The following KCNQ5 variants were observed in gnomAD, a reference collection of about 807,000 sequenced individuals.
KCNQ5 encodes potassium voltage-gated channel subfamily Q member 5, also known as potassium voltage-gated channel subfamily KQT member 5.
KCNQ5 carries 30 observed loss-of-function variants against 98.2 expected under a neutral mutation model. The ratio of observed to expected loss-of-function variants is 0.31; its 90% CI spans 0.23 to 0.41. KCNQ5 has a LOEUF of 0.41. KCNQ5 is among the 10% of genes least tolerant of loss of function. The pLI is 1.00. For synonymous variants in KCNQ5, 458 were observed against 449.4 expected (o/e 1.02, Z -0.24); for missense variants, 835 against 1,182.5 (o/e 0.71, Z 4.31).
chr6:73,189,926 G>A (rs1765522166), intron 11 of KCNQ5, among the ~76,000 whole-genome samples: 1 of 151,886 alleles, frequency 6.6e-6, no homozygotes, highest in African/African-American at 2.4e-5. Flanking sequence ...CAGCACTTAG[G>A]GAGGCTGAGG....
At chr6:72,627,385 C>G (rs191829826) in intron 1 of KCNQ5, among the ~76,000 whole-genome samples, 1 of 152,130 alleles carries the variant, frequency 6.6e-6, no homozygotes, top group Non-Finnish European at 1.5e-5. Context: ...CTGGGAAAAG[C>G]TTTACAGCAA....
At chr6:72,976,925 C>G (rs1321808160) in intron 1 of KCNQ5, among the ~76,000 whole-genome samples, 1 of 152,190 alleles carries the variant, frequency 6.6e-6, no homozygotes, top group African/African-American at 2.4e-5. Context: ...TTTGCTTAGA[C>G]CAAGCCAGAT....
At chr6:72,978,229 G>A (rs1768250377) in intron 1 of KCNQ5, among the ~76,000 whole-genome samples, 1 of 151,144 alleles carries the variant, frequency 6.6e-6, no homozygotes, top group Admixed American at 6.6e-5. Context: ...CATTATTCCT[G>A]AACAATCTAC....
intron 1 of KCNQ5, among the ~76,000 whole-genome samples, chr6:72,727,801 A>C (rs1243969403): frequency 6.6e-6 from 1 of 152,034 alleles, no homozygotes; most frequent in African/African-American, 2.4e-5. Context: ...CCTCAGTTGC[A>C]GGTTGGGTCT....
intron 1 of KCNQ5, among the ~76,000 whole-genome samples, chr6:72,800,591 A>G (rs1174549611): frequency 1.3e-5 from 2 of 151,994 alleles, no homozygotes; most frequent in African/African-American, 2.4e-5. Flanking sequence ...TGGATTCATT[A>G]ATTTTTTGAA....
chr6:73,189,577 T>C (rs760511150), intron 11 of KCNQ5, among the ~76,000 whole-genome samples: 1 of 152,206 alleles, frequency 6.6e-6, no homozygotes, highest in Non-Finnish European at 1.5e-5. Context: ...CAGCCTGGAA[T>C]CTACAAGTGT....
At chr6:72,658,768 C>T (rs1417898144) in intron 1 of KCNQ5, among the ~76,000 whole-genome samples, 3 of 150,476 alleles carry the variant, frequency 2.0e-5, no homozygotes, top group East Asian at 2.0e-4. Context: ...TTCGTAGAGA[C>T]GGGGTTTCAC....
chr6:72,918,006 C>T (rs559739209), intron 1 of KCNQ5, among the ~76,000 whole-genome samples: 19 of 152,246 alleles, frequency 1.2e-4, no homozygotes, highest in African/African-American at 4.6e-4. Context: ...AATAGCACCC[C>T]GCACCCCTTA....
At chr6:72,766,417 T>G (rs937446013) in intron 1 of KCNQ5, among the ~76,000 whole-genome samples, 3 of 151,914 alleles carry the variant, frequency 2.0e-5, no homozygotes, top group African/African-American at 4.8e-5. Context: ...CTTGATCTGA[T>G]CTGTATTTTA....
intron 9 of KCNQ5, among the ~76,000 whole-genome samples, chr6:73,131,802 A>G (rs1241725796): frequency 5.3e-5 from 8 of 152,138 alleles, no homozygotes; most frequent in Non-Finnish European, 7.4e-5. Flanking sequence ...AAACTCTTCC[A>G]CTGTTGGGAT....
intron 10 of KCNQ5, among the ~76,000 whole-genome samples, chr6:73,138,898 G>C (rs1776591101): frequency 6.6e-6 from 1 of 152,198 alleles, no homozygotes; most frequent in Non-Finnish European, 1.5e-5. Context: ...CTCTCAGCCA[G>C]TGTACCAATT....
At chr6:73,176,736 A>G (rs948017440) in intron 11 of KCNQ5, among the ~76,000 whole-genome samples, 1 of 152,168 alleles carries the variant, frequency 6.6e-6, no homozygotes, top group African/African-American at 2.4e-5. Context: ...AGGATGGCAT[A>G]TCTGGAGGAT....
chr6:73,106,319 G>T (rs1480389871), intron 6 of KCNQ5, among the ~76,000 whole-genome samples: 1 of 152,132 alleles, frequency 6.6e-6, no homozygotes, highest in Non-Finnish European at 1.5e-5. Flanking sequence ...AGACTGAAAA[G>T]GCCATGCATA....
chr6:72,984,025 A>C (rs1300453301), intron 1 of KCNQ5, among the ~76,000 whole-genome samples: 1 of 152,214 alleles, frequency 6.6e-6, no homozygotes, highest in Non-Finnish European at 1.5e-5. Flanking sequence ...TGGAGGCTGC[A>C]GAACAGCAAA....
intron 1 of KCNQ5, among the ~76,000 whole-genome samples, chr6:72,679,047 A>C (rs1484334566): frequency 6.6e-6 from 1 of 152,224 alleles, no homozygotes; most frequent in Non-Finnish European, 1.5e-5. Context: ...TGTTTTGCTA[A>C]TGCAGTGTCA....
chr6:73,176,193 A>G (rs146392655), intron 11 of KCNQ5, among the ~76,000 whole-genome samples: 34 of 152,350 alleles, frequency 2.2e-4, no homozygotes, highest in African/African-American at 7.9e-4. Flanking sequence ...GTAATCCCCA[A>G]TGTCAGAGGA....
At chr6:73,111,643 C>T (rs565281608) in intron 7 of KCNQ5, among the ~76,000 whole-genome samples, 31 of 152,274 alleles carry the variant, frequency 2.0e-4, no homozygotes, top group Non-Finnish European at 4.0e-4. Flanking sequence ...ACTAAGTAAC[C>T]ATGTCAGCAA....
At chr6:73,174,758 A>G (rs1451775967) in intron 11 of KCNQ5, among the ~76,000 whole-genome samples, 1 of 152,166 alleles carries the variant, frequency 6.6e-6, no homozygotes, top group East Asian at 1.9e-4. Flanking sequence ...CAAACTGGGG[A>G]TGGTAATGGT....
chr6:73,167,272 A>C (rs1777838738), intron 10 of KCNQ5, among the ~76,000 whole-genome samples: 1 of 152,228 alleles, frequency 6.6e-6, no homozygotes, highest in Admixed American at 6.5e-5. Flanking sequence ...TGGAGAAAAC[A>C]TGTATCTGAC....
Sources: gnomAD v4.1 joint callset for allele counts (sites outside exome capture counted in the v4.1 genomes callset) on GRCh38, gnomAD v4.1.1 for gene constraint, MANE v1.5 for transcripts, NCBI Gene and HGNC (gene_info 2026-07-23, HGNC 2026-07-21) for gene names.